RICTOR: variants seen among roughly 807,000 people sequenced by gnomAD.
RICTOR encodes the protein rapamycin-insensitive companion of mTOR.
A neutral mutation model predicts 214.9 loss-of-function variants in RICTOR; 49 were observed. The observed-to-expected ratio is 0.23, with a 90% CI of 0.18 to 0.29. The LOEUF is 0.29. Among genes scored for constraint, RICTOR ranks in the 10% least tolerant of loss-of-function variants. The probability of loss-of-function intolerance (pLI) is 1.00; values close to 1 mark genes in which losing one functional copy is unlikely to be tolerated. For synonymous variants in RICTOR, 717 were observed against 711.3 expected, an observed-to-expected ratio of 1.01 and a Z score of -0.13; for missense variants, 1,625 against 2,047.0, an observed-to-expected ratio of 0.79 and a Z score of 3.98.
chr5:39,054,180 TA>T lies in RICTOR; in HGVS notation c.97+19930del, dbSNP rs562064121. Among the ~76,000 whole-genome samples the T allele has an allele frequency of 5.1e-3, 766 of 149,006 alleles. 4 individuals are homozygous for T. Among genetic ancestry groups the T allele is most frequent in the Middle Eastern group, 0.017 (5 of 290 alleles). On this transcript the variant is annotated intron_variant, in intron 2 of 37. Coordinates refer to ENST00000357387, the MANE Select transcript of RICTOR (RefSeq NM_152756.5). ...ACAGATTGCCGGGATCACATTCACT[TA>T]AAAAAAAAATACAAAGAACATATGA...
intron 3 of RICTOR, among the ~76,000 whole-genome samples, chr5:39,007,831 A>G (rs1362911223): frequency 6.7e-6 from 1 of 150,208 alleles, no homozygotes; most frequent in Non-Finnish European, 1.5e-5. Flanking sequence ...GTATATTACT[A>G]TAATAGTTTT....
At chr5:38,942,452 A>ATTT (rs200385182) in intron 37 of RICTOR, 74 bp from the exon 38 acceptor site, 311 of 564,050 alleles carry the variant, frequency 5.5e-4, no homozygotes, top group Middle Eastern at 1.3e-3. Flanking sequence ...TAAATATCTA[A>ATTT]TTTTTTTTTT....
At position 38,949,792 on chromosome 5, in the gene RICTOR, T is replaced by C. The variant is rs1748559693; in HGVS notation, c.4056A>G (p.Ala1352=). The C allele has an allele frequency of 6.2e-7, 1 of 1,613,382 alleles. No homozygotes were observed. Among genetic ancestry groups the C allele is most frequent in the Non-Finnish European group, 8.5e-7 (1 of 1,179,550 alleles). Residue 1352 remains alanine (A), a synonymous_variant, in exon 31 of 38, where the codon GCA becomes GCG. Coordinates refer to ENST00000357387, the MANE Select transcript of RICTOR (RefSeq NM_152756.5). ...HPSLSHSEAL[A]SPAKDVLFTD... ...TAAATAGCACATCTTTTGCTGGAGATGCCAAAGCTTCAGAGTGAGATAAGG... is the reference window on the plus strand; with the variant it reads ...TAAATAGCACATCTTTTGCTGGAGACGCCAAAGCTTCAGAGTGAGATAAGG...
Position 38,958,439 on chromosome 5 carries a change from T to C in RICTOR, c.2420+4A>G. Reference sequence around the variant, plus strand: ...ACATAACAGAAAATTTACTTAAAATTTACCTCAGCAGGAGAAGCAAACCCT... The same window carrying C: ...ACATAACAGAAAATTTACTTAAAATCTACCTCAGCAGGAGAAGCAAACCCT... On this transcript the variant is annotated splice_donor_region_variant and intron_variant, in intron 24 of 37. Coordinates refer to ENST00000357387, the MANE Select transcript of RICTOR (RefSeq NM_152756.5). 1 of 1,587,260 alleles carries C rather than the reference T, an allele frequency of 6.3e-7. No individual in the cohort carries two copies. Among genetic ancestry groups the C allele is most frequent in the South Asian group, 1.1e-5 (1 of 90,546 alleles).
chr5:39,020,994 A>T (rs183598082), intron 3 of RICTOR, 45 bp downstream of exon 3: 11 of 930,812 alleles, frequency 1.2e-5, no homozygotes, highest in Middle Eastern at 2.3e-4. Context: ...AAGTGTGGTA[A>T]GGAACAAAGA....
chr5:38,959,424 T>C (rs1014692180), intron 21 of RICTOR, 103 bp from the exon 22 acceptor site: 1 of 693,348 alleles, frequency 1.4e-6, no homozygotes, highest in Non-Finnish European at 2.3e-6. Flanking sequence ...AAATGACAAA[T>C]AAAAATTGTA....
At chr5:38,943,156 G>C in intron 36 of RICTOR, 185 bp from the exon 37 acceptor site, 1 of 364,622 alleles carries the variant, frequency 2.7e-6, no homozygotes, top group Non-Finnish European at 4.7e-6. Flanking sequence ...TTCTGAGTTT[G>C]GGTTTTTTTT....
intron 3 of RICTOR, among the ~76,000 whole-genome samples, chr5:39,004,776 CTTTTTTTT>C (rs70982534): frequency 2.1e-4 from 22 of 105,830 alleles, no homozygotes; most frequent in East Asian, 2.1e-3. Context: ...CTCTCAGACT[CTTTTTTTT>C]TTTTTTTTTT....
At chr5:38,944,365 A>G (rs1747938621) in intron 36 of RICTOR, 81 bp downstream of exon 36, 1 of 1,409,050 alleles carries the variant, frequency 7.1e-7, no homozygotes, top group Admixed American at 1.9e-5. Context: ...AACTAGCCTA[A>G]CTTTTGAAGT....
At position 38,984,912 on chromosome 5, in the gene RICTOR, C is replaced by T. The variant is rs141948778; in HGVS notation, c.584-2876G>A. 1.5e-3 allele frequency among the ~76,000 whole-genome samples: 228 copies of T among 152,198 alleles called. 1 individual carries two copies. Among genetic ancestry groups the T allele is most frequent in the African/African-American group, 5.2e-3 (218 of 41,536 alleles). ...TCGGCTCACTGCAACCTCCGCCTCCCGGGTTCAAGCGATTCTCCTGCCTCA... is the reference window on the plus strand; with the variant it reads ...TCGGCTCACTGCAACCTCCGCCTCCTGGGTTCAAGCGATTCTCCTGCCTCA... On this transcript the variant is annotated intron_variant, in intron 7 of 37. Transcript: ENST00000357387.
In RICTOR at chr5:38,941,799, T is replaced by C; in HGVS notation, c.*505A>G. On this transcript the variant is annotated 3_prime_UTR_variant, in exon 38 of 38. Transcript: ENST00000357387. ...AAGAAAAACGTGAAAGGGCCAAAGT[T>C]CCCTCTCTAATACCAGCAGTTATAG... 8.6e-6 allele frequency: 2 copies of C among 233,102 alleles called. No homozygotes were observed. The highest frequency in any genetic ancestry group is 1.7e-5 in the Non-Finnish European group (2 of 117,770). 14.4% of individuals were successfully genotyped at this position (233,102 alleles called of 1,614,324 possible).
In RICTOR at chr5:38,962,980, T is replaced by G. The variant is rs374080869; in HGVS notation, c.1462A>C (p.Lys488Gln). The G allele has an allele frequency of 1.2e-6, 2 of 1,613,040 alleles. No individual in the cohort carries two copies. Among genetic ancestry groups the G allele is most frequent in the Non-Finnish European group, 1.7e-6 (2 of 1,179,150 alleles). Residue 488 changes from lysine to glutamine, a missense_variant, in exon 17 of 38, where the codon AAG becomes CAG. Lys to Gln is a moderately conservative substitution (Grantham distance 53). Around this residue, in one of 5 missense-constraint regions of RICTOR, gnomAD observed 1,214 missense variants for 1,470.5 expected, o/e 0.83. Coordinates refer to ENST00000357387, the MANE Select transcript of RICTOR (RefSeq NM_152756.5). ...RFHEMKKRGP[K>Q]PYSLHLDHII... ...TGGTCTAAATGAAGACTATAAGGCT[T>G]AGGTCCTCGTTTCTTCATTTCATGG...
intron 24 of RICTOR, among the ~76,000 whole-genome samples, chr5:38,958,187 A>G (rs1199405821): frequency 6.6e-6 from 1 of 152,108 alleles, no homozygotes; most frequent in African/African-American, 2.4e-5. Context: ...CATCGAGCCA[A>G]CATTGGACCA....
Position 38,955,711 on chromosome 5 carries a change from GA to G in RICTOR, c.2500-8del. ...CATATTTGGAGTTGTATTCCTAGAG[GA>G]TAATATTGTTTTAATTGCACATAGT... On this transcript the variant is annotated splice_region_variant and splice_polypyrimidine_tract_variant and intron_variant, in intron 25 of 37. Transcript: ENST00000357387. 6.8e-7 allele frequency: 1 copy of G among 1,461,766 alleles called. No individual in the cohort carries two copies. The highest frequency in any genetic ancestry group is 9.6e-7 in the Non-Finnish European group (1 of 1,041,364). The allele number at this position is 1,461,766 out of a possible 1,614,324, so 90.5% of individuals were successfully genotyped here.
At chr5:39,051,428 G>C (rs1361659821) in intron 2 of RICTOR, among the ~76,000 whole-genome samples, 1 of 152,064 alleles carries the variant, frequency 6.6e-6, no homozygotes, top group East Asian at 1.9e-4. Context: ...AGCACATCTG[G>C]TATTTGCTTG....
Position 38,957,701 on chromosome 5 carries a change from T to A in RICTOR, c.2450A>T (p.Tyr817Phe), listed in dbSNP as rs1749391097. ...TGCTACATAACCTCTTTCATTCAGA[T>A]AGGAAAATCCTTTTGGAATGGAGAG... ...RFLSIPKGFS[Y>F]LNERGYVAKQ... is the part of the protein sequence containing the mutation. The change falls in exon 25 of 38, where the codon TAT (tyrosine) becomes TTT (phenylalanine). Residue 817 changes from tyrosine (Y) to phenylalanine (F), a missense_variant. Tyr to Phe is a conservative substitution (Grantham distance 22, BLOSUM62 3). Around this residue, in one of 5 missense-constraint regions of RICTOR, gnomAD observed 1,214 missense variants for 1,470.5 expected, o/e 0.83. Coordinates refer to ENST00000357387, the MANE Select transcript of RICTOR (RefSeq NM_152756.5). 2 of 1,592,374 alleles carry A rather than the reference T, an allele frequency of 1.3e-6. No homozygotes were observed. Among genetic ancestry groups the A allele is most frequent in the Non-Finnish European group, 1.7e-6 (2 of 1,165,672 alleles).
At chr5:38,958,174 T>C (rs1749464056) in intron 24 of RICTOR, among the ~76,000 whole-genome samples, 1 of 151,978 alleles carries the variant, frequency 6.6e-6, no homozygotes, top group Admixed American at 6.6e-5. Context: ...GAGGCAGTGG[T>C]TGCATCGAGC....
At chr5:38,998,783 G>A (rs1753366395) in intron 5 of RICTOR, among the ~76,000 whole-genome samples, 1 of 152,030 alleles carries the variant, frequency 6.6e-6, no homozygotes, top group Non-Finnish European at 1.5e-5. Flanking sequence ...GGGAGGCAGA[G>A]GCAGGCGGAT....
At chr5:39,029,588 C>T (rs1333900433) in intron 2 of RICTOR, among the ~76,000 whole-genome samples, 1 of 152,038 alleles carries the variant, frequency 6.6e-6, no homozygotes, top group Non-Finnish European at 1.5e-5. Context: ...TGACCAAAAA[C>T]TGATGGCATG....
Sources: gnomAD v4.1 joint callset for allele counts (sites outside exome capture counted in the v4.1 genomes callset) on GRCh38, gnomAD v4.1.1 for gene constraint, gnomAD v4.1.1 regional missense constraint, MANE v1.5 for transcripts, NCBI Gene and HGNC (gene_info 2026-07-23, HGNC 2026-07-21) for gene names.